Variants in ELOVL6 observed in about 807,000 individuals in gnomAD.
ELOVL6 encodes ELOVL fatty acid elongase 6.
Under a neutral mutation model 31.7 loss-of-function variants are expected in ELOVL6, and 8 were observed. The ratio of observed to expected loss-of-function variants is 0.25; its 90% CI spans 0.15 to 0.45. The LOEUF (loss-of-function observed/expected upper bound fraction) is 0.45. Among genes scored for constraint, ELOVL6 ranks in the 20% least tolerant of loss-of-function variants. The pLI, the probability that ELOVL6 is intolerant of heterozygous loss-of-function variation, is 1.00. For synonymous variants in ELOVL6, 101 were observed against 117.7 expected, an observed-to-expected ratio of 0.86 and a Z score of 0.92; for missense variants, 126 against 326.4, an observed-to-expected ratio of 0.39 and a Z score of 4.73.
chr4:110,088,562 C>T (rs1287714112), intron 2 of ELOVL6, among the ~76,000 whole-genome samples: 1 of 152,176 alleles, frequency 6.6e-6, no homozygotes, highest in Non-Finnish European at 1.5e-5. Context: ...TTTGTTTTCA[C>T]CATAGATCTT....
At chr4:110,114,884 A>G (rs1757133001) in intron 1 of ELOVL6, among the ~76,000 whole-genome samples, 1 of 152,216 alleles carries the variant, frequency 6.6e-6, no homozygotes. Context: ...GAAAAATAAC[A>G]GCTTGCACAA....
intron 2 of ELOVL6, among the ~76,000 whole-genome samples, chr4:110,104,572 T>C (rs1197956406): frequency 1.3e-5 from 2 of 152,218 alleles, no homozygotes; most frequent in Non-Finnish European, 2.9e-5. Context: ...CTTAGAACAG[T>C]TAATATATGA....
chr4:110,155,463 A>G (rs1164154922), intron 1 of ELOVL6, among the ~76,000 whole-genome samples: 1 of 152,230 alleles, frequency 6.6e-6, no homozygotes, highest in East Asian at 1.9e-4. Flanking sequence ...TATCAAAGAT[A>G]CTTAAATAGG....
At chr4:110,068,830 G>A (rs1052745902) in intron 2 of ELOVL6, among the ~76,000 whole-genome samples, 31 of 152,246 alleles carry the variant, frequency 2.0e-4, no homozygotes, top group African/African-American at 7.0e-4. Context: ...AGAGTGAGGC[G>A]TGAGGAGGGG....
At chr4:110,135,768 C>T (rs1177312589) in intron 1 of ELOVL6, among the ~76,000 whole-genome samples, 1 of 152,152 alleles carries the variant, frequency 6.6e-6, no homozygotes, top group Admixed American at 6.6e-5. Context: ...GATCCAGTGC[C>T]AGGCACCACA....
At chr4:110,099,723 G>C (rs540651406) in intron 2 of ELOVL6, among the ~76,000 whole-genome samples, 5 of 152,284 alleles carry the variant, frequency 3.3e-5, no homozygotes, top group African/African-American at 9.6e-5. Flanking sequence ...TGCCAGACAG[G>C]TAACTGGTAG....
At chr4:110,132,117 A>G (rs932237328) in intron 1 of ELOVL6, among the ~76,000 whole-genome samples, 2 of 152,134 alleles carry the variant, frequency 1.3e-5, no homozygotes, top group Non-Finnish European at 2.9e-5. Context: ...AATGACTTTT[A>G]TGCTCGAATG....
At chr4:110,107,212 C>G (rs1418742617) in intron 1 of ELOVL6, among the ~76,000 whole-genome samples, 1 of 152,136 alleles carries the variant, frequency 6.6e-6, no homozygotes, top group African/African-American at 2.4e-5. Flanking sequence ...TTAGTGAATA[C>G]CACCAAATAA....
At position 110,084,412 on chromosome 4, in the gene ELOVL6, TA is replaced by T. The variant is rs1164897193; in HGVS notation, c.221+21084del. Among the ~76,000 whole-genome samples the T allele has an allele frequency of 8.6e-4, 63 of 72,992 alleles. 3 individuals carry two copies. The highest frequency in any genetic ancestry group is 1.5e-3 in the African/African-American group (19 of 12,352). The allele number at this position is 72,992 out of a possible 152,430, so 47.9% of individuals were successfully genotyped here. On this transcript the variant is annotated intron_variant, in intron 2 of 3. Coordinates refer to ENST00000302274, the MANE Select transcript of ELOVL6 (RefSeq NM_024090.3). ...CATATATGATATATGATATATGACA[TA>T]CATGATATATCACATATATCATATA... is the stretch of plus-strand genomic sequence containing the variant.
intron 1 of ELOVL6, among the ~76,000 whole-genome samples, chr4:110,141,758 G>C (rs1055783474): frequency 7.1e-6 from 1 of 140,856 alleles, no homozygotes; most frequent in Non-Finnish European, 1.5e-5. Flanking sequence ...ATATAGTATT[G>C]TATTAGTATA....
intron 1 of ELOVL6, among the ~76,000 whole-genome samples, chr4:110,128,983 G>T (rs75349908): frequency 0.061 from 9,215 of 152,200 alleles, 319 homozygotes; most frequent in African/African-American, 0.08. Flanking sequence ...GGGTGCAAAA[G>T]TTATTGTGGT....
At position 110,084,239 on chromosome 4, in the gene ELOVL6, A is replaced by ATAACATATGATATATATAACATG. The variant is rs1560814690; in HGVS notation, c.221+21257_221+21258insCATGTTATATATATCATATGTTA. 2.2e-3 allele frequency among the ~76,000 whole-genome samples: 205 copies of ATAACATATGATATATATAACATG among 93,074 alleles called. 2 individuals carry two copies. The highest frequency in any genetic ancestry group is 0.012 in the East Asian group (43 of 3,632). The allele number at this position is 93,074 out of a possible 152,430, so 61.1% of individuals were successfully genotyped here. ...ATAACTTATATGATATATATAACATATATGATATATATAACATATAGCTTA... is the reference window on the plus strand; with the variant it reads ...ATAACTTATATGATATATATAACATATAACATATGATATATATAACATGTATGATATATATAACATATAGCTTA... On this transcript the variant is annotated intron_variant, in intron 2 of 3. Coordinates refer to ENST00000302274, the MANE Select transcript of ELOVL6 (RefSeq NM_024090.3).
chr4:110,115,623 G>A (rs1306293370), intron 1 of ELOVL6, among the ~76,000 whole-genome samples: 1 of 152,096 alleles, frequency 6.6e-6, no homozygotes, highest in Admixed American at 6.5e-5. Flanking sequence ...GCAACATTTT[G>A]ACTGGGGCTT....
intron 1 of ELOVL6, among the ~76,000 whole-genome samples, chr4:110,183,363 C>T (rs1273611202): frequency 6.6e-6 from 1 of 152,154 alleles, no homozygotes; most frequent in East Asian, 1.9e-4. Flanking sequence ...AGTTGTCCTG[C>T]TTTCCGGGCA....
chr4:110,059,264 T>C (rs1270217619), intron 3 of ELOVL6, among the ~76,000 whole-genome samples: 1 of 152,242 alleles, frequency 6.6e-6, no homozygotes, highest in African/African-American at 2.4e-5. Context: ...TGTTGCTCTT[T>C]TCTTCCCCCA....
At chr4:110,140,536 A>G (rs952054770) in intron 1 of ELOVL6, among the ~76,000 whole-genome samples, 1 of 152,048 alleles carries the variant, frequency 6.6e-6, no homozygotes, top group African/African-American at 2.4e-5. Context: ...TGGGACTACA[A>G]GCGTCATGCC....
intron 1 of ELOVL6, among the ~76,000 whole-genome samples, chr4:110,160,670 T>C (rs1411378827): frequency 1.3e-5 from 2 of 152,244 alleles, no homozygotes; most frequent in African/African-American, 4.8e-5. Flanking sequence ...GTTGCCCATA[T>C]GTTGTTGCAA....
chr4:110,140,182 G>T (rs1380087675), intron 1 of ELOVL6, among the ~76,000 whole-genome samples: 1 of 152,164 alleles, frequency 6.6e-6, no homozygotes, highest in Admixed American at 6.5e-5. Context: ...TTTCACAGTA[G>T]GTGAAAAAGT....
In ELOVL6 at chr4:110,120,444, G is replaced by C. The variant is rs1308528864; in HGVS notation, c.90-14816C>G. On this transcript the variant is annotated intron_variant, in intron 1 of 3. Coordinates refer to ENST00000302274, the MANE Select transcript of ELOVL6 (RefSeq NM_024090.3). ...TCAATTTGAGGAATTCTAGATGTCT[G>C]AGTGTGATAACAATAGTTAAAAAGT... Among the ~76,000 whole-genome samples, 3 of 151,852 alleles carry C rather than the reference G, an allele frequency of 2.0e-5. No individual in the cohort carries two copies. In the East Asian group the frequency reaches 5.8e-4, roughly 29 times the overall value.
Sources: gnomAD v4.1 joint callset for allele counts (sites outside exome capture counted in the v4.1 genomes callset) on GRCh38, gnomAD v4.1.1 for gene constraint, MANE v1.5 for transcripts, NCBI Gene and HGNC (gene_info 2026-07-23, HGNC 2026-07-21) for gene names.